The following IL1RAPL1 variants were observed in gnomAD, a reference collection of about 807,000 sequenced individuals.
The protein encoded by IL1RAPL1 is interleukin 1 receptor accessory protein like 1.
A neutral mutation model predicts 48.4 loss-of-function variants in IL1RAPL1; 3 were observed. That is an observed-to-expected ratio of 0.06 (90% CI 0.03 to 0.16). The LOEUF (loss-of-function observed/expected upper bound fraction) is 0.16. IL1RAPL1 is among the 10% of genes least tolerant of loss of function. IL1RAPL1 has a pLI of 1.00. For missense variants in IL1RAPL1, 349 were observed against 530.6 expected, an observed-to-expected ratio of 0.66 and a Z score of 3.36; for synonymous variants, 185 against 187.7, an observed-to-expected ratio of 0.99 and a Z score of 0.12.
chrX:28,918,856 T>C (rs1406217062), intron 2 of IL1RAPL1, among the ~76,000 whole-genome samples: 1 of 111,501 alleles, frequency 9.0e-6, no homozygotes, highest in Non-Finnish European at 1.9e-5. Context: ...AGGTTGTAGG[T>C]CATATAAAAC....
chrX:28,987,968 A>G (rs1346911451), intron 2 of IL1RAPL1, among the ~76,000 whole-genome samples: 1 of 112,212 alleles, frequency 8.9e-6, no homozygotes, highest in Non-Finnish European at 1.9e-5. Flanking sequence ...AAACAATAAA[A>G]GTGATAAAGG....
chrX:29,084,918 C>T (rs1273812608), intron 2 of IL1RAPL1, among the ~76,000 whole-genome samples: 1 of 112,073 alleles, frequency 8.9e-6, no homozygotes, highest in Non-Finnish European at 1.9e-5. Flanking sequence ...GTCCCGAACT[C>T]CTGACCTCAG....
chrX:29,934,483 C>G (rs1335863542), intron 8 of IL1RAPL1, among the ~76,000 whole-genome samples: 1 of 112,183 alleles, frequency 8.9e-6, no homozygotes, highest in African/African-American at 3.2e-5. Context: ...TACAATAACA[C>G]TTGCAATTAT....
intron 2 of IL1RAPL1, among the ~76,000 whole-genome samples, chrX:28,892,144 C>A (rs1344180623): frequency 9.0e-6 from 1 of 110,548 alleles, no homozygotes; most frequent in Non-Finnish European, 1.9e-5. Context: ...GTGAAGAGAC[C>A]ACCAAACAGG....
At chrX:29,039,012 AC>A (rs1926786041) in intron 2 of IL1RAPL1, among the ~76,000 whole-genome samples, 1 of 111,944 alleles carries the variant, frequency 8.9e-6, no homozygotes, top group Non-Finnish European at 1.9e-5. Context: ...ACTCATCCAC[AC>A]CTAATTTAAC....
At chrX:28,850,163 T>G (rs1181999239) in intron 2 of IL1RAPL1, among the ~76,000 whole-genome samples, 3 of 112,533 alleles carry the variant, frequency 2.7e-5, no homozygotes, top group Non-Finnish European at 5.6e-5. Flanking sequence ...TCACTCATGT[T>G]TGTTTACCTA....
At chrX:29,261,375 G>C (rs1216084538) in intron 2 of IL1RAPL1, among the ~76,000 whole-genome samples, 1 of 111,112 alleles carries the variant, frequency 9.0e-6, no homozygotes, top group Non-Finnish European at 1.9e-5. Flanking sequence ...TTTAATCTAA[G>C]TTTCCAAGAG....
chrX:28,920,416 A>G (rs1388050088), intron 2 of IL1RAPL1, among the ~76,000 whole-genome samples: 3 of 111,866 alleles, frequency 2.7e-5, no homozygotes, highest in Non-Finnish European at 5.6e-5. Context: ...AAGTAACGCT[A>G]TTGTCTTTCA....
intron 3 of IL1RAPL1, among the ~76,000 whole-genome samples, chrX:29,294,646 A>G (rs1372152827): frequency 7.2e-5 from 8 of 111,730 alleles, no homozygotes; most frequent in African/African-American, 9.8e-5. Context: ...ATGAGTGGAC[A>G]TGGCTGTGTT....
intron 9 of IL1RAPL1, among the ~76,000 whole-genome samples, chrX:29,947,598 A>G (rs1933235949): frequency 9.0e-6 from 1 of 111,582 alleles, no homozygotes; most frequent in African/African-American, 3.3e-5. Context: ...ATTGGCATCT[A>G]TGAAATCTTA....
In IL1RAPL1 at chrX:29,955,726, C is replaced by T; in HGVS notation, c.1997C>T (p.Ser666Leu). Residue 666 changes from serine (S) to leucine (L), a missense_variant, in exon 11 of 11, where the codon TCG becomes TTG. Coordinates refer to ENST00000378993, the MANE Select transcript of IL1RAPL1 (RefSeq NM_014271.4). ...AACGGGCAGCGGCCACAGACAAAAT[C>T]GAGCAGGGAGCAGAATCCAGATGAG... ...LINGQRPQTK[S>L]SREQNPDEAH... 1 of 1,211,506 alleles carries T rather than the reference C, an allele frequency of 8.3e-7. No homozygotes were observed. The highest frequency in any genetic ancestry group is 3.0e-5 in the East Asian group (1 of 33,827).
chrX:29,265,602 C>T (rs1309663731), intron 2 of IL1RAPL1, among the ~76,000 whole-genome samples: 1 of 94,348 alleles, frequency 1.1e-5, no homozygotes, highest in Non-Finnish European at 2.1e-5. Context: ...GGTATATCTC[C>T]TAATGCTATC....
intron 2 of IL1RAPL1, among the ~76,000 whole-genome samples, chrX:28,875,932 T>C (rs1041144815): frequency 5.8e-4 from 65 of 111,503 alleles, no homozygotes; most frequent in African/African-American, 2.0e-3. Context: ...AGCATCTATA[T>C]TTATTCCCTT....
At chrX:29,852,322 A>G (rs1307930910) in intron 6 of IL1RAPL1, among the ~76,000 whole-genome samples, 2 of 112,023 alleles carry the variant, frequency 1.8e-5, no homozygotes, top group Non-Finnish European at 3.8e-5. Context: ...ACAGGGAATT[A>G]GAAGAGAAAA....
At chrX:29,845,052 A>T (rs189482964) in intron 6 of IL1RAPL1, among the ~76,000 whole-genome samples, 25 of 112,162 alleles carry the variant, frequency 2.2e-4, no homozygotes, top group African/African-American at 8.1e-4. Flanking sequence ...AGCCTCCAGA[A>T]GTAACGAATC....
rs1929506807 is a variant in IL1RAPL1 at position 29,786,642 on chromosome X, A to G, written c.778+118138A>G. Among the ~76,000 whole-genome samples the G allele has an allele frequency of 3.6e-5, 4 of 111,890 alleles. No individual in the cohort carries two copies. In the South Asian group the frequency reaches 1.5e-3, roughly 42 times the overall value. ...TTGAGGGAGGGAGAGAGGAAGAAGA[A>G]GTAGCAAATAAGCTCGTAAAGTCTA... On this transcript the variant is annotated intron_variant, in intron 6 of 10. Coordinates refer to ENST00000378993, the MANE Select transcript of IL1RAPL1 (RefSeq NM_014271.4).
chrX:28,997,175 A>G (rs1925744333), intron 2 of IL1RAPL1, among the ~76,000 whole-genome samples: 1 of 111,363 alleles, frequency 9.0e-6, no homozygotes, highest in Non-Finnish European at 1.9e-5. Flanking sequence ...GAGAACATTC[A>G]TCTCTAAAAA....
chrX:28,745,356 A>G (rs1935961700), intron 1 of IL1RAPL1, among the ~76,000 whole-genome samples: 1 of 111,637 alleles, frequency 9.0e-6, no homozygotes, highest in East Asian at 2.8e-4. Flanking sequence ...TGGCTTAAGA[A>G]TGTGGGATAG....
intron 2 of IL1RAPL1, among the ~76,000 whole-genome samples, chrX:29,243,525 C>G (rs188110926): frequency 8.9e-6 from 1 of 111,938 alleles, no homozygotes; most frequent in Non-Finnish European, 1.9e-5. Context: ...TCTCAAATCA[C>G]TTTCTCTTGT....
Sources: gnomAD v4.1 joint callset for allele counts (sites outside exome capture counted in the v4.1 genomes callset) on GRCh38, gnomAD v4.1.1 for gene constraint, MANE v1.5 for transcripts, NCBI Gene and HGNC (gene_info 2026-07-23, HGNC 2026-07-21) for gene names.